PML: variants seen among roughly 807,000 people sequenced by gnomAD.
PML encodes the protein protein PML.
In PML, 28 loss-of-function variants were observed where a neutral mutation model predicts 65.2. The observed-to-expected ratio is 0.43, with a 90% CI of 0.32 to 0.59. The LOEUF (loss-of-function observed/expected upper bound fraction) is 0.59. Among genes scored for constraint, PML ranks in the 20% least tolerant of loss-of-function variants. The pLI is 0.08. For synonymous variants in PML, 500 were observed against 508.8 expected (o/e 0.98, Z 0.23); for missense variants, 1,021 against 1,203.4 (o/e 0.85, Z 2.24).
chr15:73,995,817 C>T (rs1030979628), intron 1 of PML, among the ~76,000 whole-genome samples: 3 of 152,130 alleles, frequency 2.0e-5, no homozygotes, highest in Non-Finnish European at 2.9e-5. Context: ...TGCAATGGTG[C>T]GATCTCGGCT....
chr15:74,033,369 T>G lies in PML; in HGVS notation c.1612T>G (p.Phe538Val). The G allele has an allele frequency of 6.2e-7, 1 of 1,613,454 alleles. No homozygotes were observed. The highest frequency in any genetic ancestry group is 8.5e-7 in the Non-Finnish European group (1 of 1,179,424). The change falls in exon 6 of 9, where the codon TTC becomes GTC. Residue 538 changes from phenylalanine to valine, a missense_variant. Physicochemically the swap from Phe to Val is conservative, Grantham distance 50. Transcript: ENST00000268058. ...PRSPVIGSEV[F>V]LPNSNHVASG... ...GAGCCCCGTCATAGGAAGTGAGGTC[T>G]TCCTGCCCAACAGCAACCACGTGGC...
At position 74,036,005 on chromosome 15, in the gene PML, A is replaced by G. The variant is rs771970407; in HGVS notation, c.1710+1475A>G. 3 of 1,614,104 alleles carry G rather than the reference A, an allele frequency of 1.9e-6. No individual in the cohort carries two copies. The East Asian group carries it at 6.7e-5, about 36-fold the overall frequency. ...AGCCAACACCCCTGCCCGGCCCCTGAGCTGCCTCCTCCAGCCCATGCTCTT... is the reference window on the plus strand; with the variant it reads ...AGCCAACACCCCTGCCCGGCCCCTGGGCTGCCTCCTCCAGCCCATGCTCTT... On this transcript the variant is annotated intron_variant, in intron 7 of 8. Coordinates refer to ENST00000268058, the MANE Select transcript of PML (RefSeq NM_033238.3).
chr15:74,029,794 T>C (rs370862338), intron 4 of PML, among the ~76,000 whole-genome samples: 3 of 152,150 alleles, frequency 2.0e-5, no homozygotes, highest in East Asian at 3.9e-4. Context: ...AAGCTGCAGT[T>C]TGAAAACCAC....
At chr15:74,023,505 A>C (rs767095951) in intron 3 of PML, 97 bp downstream of exon 3, 20 of 999,980 alleles carry the variant, frequency 2.0e-5, no homozygotes, top group African/African-American at 8.0e-5. Context: ...CAGAAAAGAA[A>C]ACTGGGTGTT....
At position 74,018,889 on chromosome 15, in the gene PML, C is replaced by T. The variant is rs569260961; in HGVS notation, c.603-3939C>T. ...TACGGTTAAGTCTGGGTTCTTGTCA[C>T]GGAGCCCTTCTGGGCAGTTTCCCAC... On this transcript the variant is annotated intron_variant, in intron 2 of 8. Coordinates refer to ENST00000268058, the MANE Select transcript of PML (RefSeq NM_033238.3). Among the ~76,000 whole-genome samples the T allele has an allele frequency of 3.3e-5, 5 of 152,318 alleles. No homozygotes were observed. The East Asian group carries it at 9.6e-4, about 29-fold the overall frequency.
At position 74,039,762 on chromosome 15, in the gene PML, G is replaced by GT. The variant is rs1431658709; in HGVS notation, c.1711-3226dup. Among the ~76,000 whole-genome samples, 4 of 152,350 alleles carry GT rather than the reference G, an allele frequency of 2.6e-5. No individual in the cohort carries two copies. The East Asian group carries it at 7.7e-4, about 29-fold the overall frequency. ...CACTGAATCGGGGGATTCATTGCAT[G>GT]TCTGTGGTAGAGGAATGCTGCTCAT... On this transcript the variant is annotated intron_variant, in intron 7 of 8. Transcript: ENST00000268058.
Position 74,037,398 on chromosome 15 carries a change from C to T in PML, c.1710+2868C>T, listed in dbSNP as rs1045804646. Reference sequence around the variant, plus strand: ...GTGTCCTGGCCCCAGCCCTTGACCCCCTGGGAGCCTCACTCCTCCTCCTCA... The same window carrying T: ...GTGTCCTGGCCCCAGCCCTTGACCCTCTGGGAGCCTCACTCCTCCTCCTCA... On this transcript the variant is annotated intron_variant, in intron 7 of 8. Transcript: ENST00000268058. This position sits in a 1 kb window ranked among gnomAD's most constrained non-coding sequence, Gnocchi z 4.2. 22 of 985,372 alleles carry T rather than the reference C, an allele frequency of 2.2e-5. No homozygotes were observed. The South Asian group carries it at 9.9e-4, about 44-fold the overall frequency. The allele number at this position is 985,372 out of a possible 1,614,324, so 61.0% of individuals were successfully genotyped here. A position where few individuals can be genotyped will look rare whatever the true frequency, so the allele number is the denominator to read the frequency against.
chr15:74,032,820 T>A (rs1053702813), intron 5 of PML, 105 bp downstream of exon 5: 27 of 1,230,752 alleles, frequency 2.2e-5, no homozygotes, highest in Non-Finnish European at 3.1e-5. Context: ...AGATCAGCTC[T>A]TTGTGGGAAA....
rs747565553 is a variant in PML at position 74,044,206 on chromosome 15, T to G, written c.1862-15T>G. The G allele has an allele frequency of 6.2e-7, 1 of 1,613,462 alleles. No individual in the cohort carries two copies. The highest frequency in any genetic ancestry group is 1.7e-5 in the Admixed American group (1 of 60,028). On this transcript the variant is annotated splice_polypyrimidine_tract_variant and intron_variant, in intron 8 of 8. Transcript: ENST00000268058. ...GTGACCCTGGGTCCTCACCCTGCCC[T>G]TCTCTCCTGCCCAGCCCAGAAGATT...
chr15:74,035,432 C>T lies in PML; in HGVS notation c.1710+902C>T, dbSNP rs1156778224. The T allele has an allele frequency of 6.2e-7, 1 of 1,612,376 alleles. No individual in the cohort carries two copies. The highest frequency in any genetic ancestry group is 8.5e-7 in the Non-Finnish European group (1 of 1,179,998). On this transcript the variant is annotated intron_variant, in intron 7 of 8. Coordinates refer to ENST00000268058, the MANE Select transcript of PML (RefSeq NM_033238.3). The surrounding 1 kb of genome is among the most constrained non-coding windows in gnomAD (Gnocchi z 4.1). ...CTGCCGTCCACCGTGGGATCCGCTA[C>T]CTGTTGTACAGAGCACAGAGAGCCA...
chr15:74,007,794 T>G (rs1287129795), intron 2 of PML, among the ~76,000 whole-genome samples: 1 of 151,732 alleles, frequency 6.6e-6, no homozygotes, highest in Non-Finnish European at 1.5e-5. Flanking sequence ...TACTAGGGGG[T>G]GGGGTAGAAA....
intron 4 of PML, among the ~76,000 whole-genome samples, chr15:74,029,809 C>T (rs2071239114): frequency 6.6e-6 from 1 of 152,164 alleles, no homozygotes; most frequent in Admixed American, 6.5e-5. Flanking sequence ...AACCACTGGC[C>T]TTAAGAGTGA....
chr15:74,036,864 G>C, intron 7 of PML: 1 of 886,372 alleles, frequency 1.1e-6, no homozygotes, highest in South Asian at 5.2e-5. Flanking sequence ...CCATCACCGA[G>C]CACTGTCGGT....
Position 74,044,748 on chromosome 15 carries a change from C to G in PML, c.2389C>G (p.Leu797Val). ...TGTGCTGCCCCGGGCTGAGGCCCGC[C>G]TCCTGGCCCTACACAACGTGAGCTT... ...AAVLPRAEAR[L>V]LALHNVSFME... The change falls in exon 9 of 9, where the codon CTC becomes GTC. Residue 797 changes from leucine to valine, a missense_variant. Leu to Val is a conservative substitution (Grantham distance 32). Coordinates refer to ENST00000268058, the MANE Select transcript of PML (RefSeq NM_033238.3). The G allele has an allele frequency of 3.1e-6, 5 of 1,612,424 alleles. No homozygotes were observed. The highest frequency in any genetic ancestry group is 4.2e-6 in the Non-Finnish European group (5 of 1,180,016).
intron 2 of PML, among the ~76,000 whole-genome samples, chr15:74,002,981 C>G (rs1172835685): frequency 6.6e-6 from 1 of 152,092 alleles, no homozygotes; most frequent in Non-Finnish European, 1.5e-5. Context: ...ACAAAATTAG[C>G]TGGACATGGT....
chr15:74,034,373 TC>T lies in PML; in HGVS notation c.1658-100del, dbSNP rs570006600. The T allele has an allele frequency of 1.0e-4, 153 of 1,490,006 alleles. 1 individual carries two copies. In the East Asian group the frequency reaches 3.1e-3, roughly 30 times the overall value. 92.3% of individuals were successfully genotyped at this position (1,490,006 alleles called of 1,614,324 possible). On this transcript the variant is annotated intron_variant, in intron 6 of 8. Coordinates refer to ENST00000268058, the MANE Select transcript of PML (RefSeq NM_033238.3). ...CCCGTCCCCCTGCAGGGCATCCGTT[TC>T]CCCCAGCCGACTGGCCTGCAAGGAT...
At chr15:74,031,563 T>C (rs2071325618) in intron 4 of PML, among the ~76,000 whole-genome samples, 1 of 152,266 alleles carries the variant, frequency 6.6e-6, no homozygotes, top group Non-Finnish European at 1.5e-5. Context: ...TATTCAGTCA[T>C]CAGTTGATGC....
chr15:74,032,840 C>T (rs779586180), intron 5 of PML, 125 bp downstream of exon 5: 65 of 1,083,376 alleles, frequency 6.0e-5, no homozygotes, highest in East Asian at 7.5e-5. Context: ...AGTGTTTGCT[C>T]AACGCCTTCT....
rs1182365704 is a variant in PML at position 74,043,570 on chromosome 15, C to T, written c.1861+431C>T. Reference sequence around the variant, plus strand: ...AGGGCTGCCCACAGATCCAAGGTCACAGAGGGATCAGACCCCTTATCCTGG... The same window carrying T: ...AGGGCTGCCCACAGATCCAAGGTCATAGAGGGATCAGACCCCTTATCCTGG... On this transcript the variant is annotated intron_variant, in intron 8 of 8. Transcript: ENST00000268058. The surrounding 1 kb of genome is among the most constrained non-coding windows in gnomAD (Gnocchi z 4.3). Among the ~76,000 whole-genome samples the T allele has an allele frequency of 2.0e-5, 3 of 152,218 alleles. No individual in the cohort carries two copies. Among genetic ancestry groups the T allele is most frequent in the Admixed American group, 1.3e-4 (2 of 15,276 alleles).
Sources: allele counts gnomAD v4.1 joint callset (sites outside exome capture counted in the v4.1 genomes callset), GRCh38; gene constraint gnomAD v4.1.1; non-coding constraint Gnocchi (gnomAD v3.1); transcripts MANE v1.5; gene names NCBI Gene and HGNC (gene_info 2026-07-23, HGNC 2026-07-21).